The following LRRTM4 variants were observed in gnomAD, a reference collection of about 807,000 sequenced individuals.
LRRTM4 encodes leucine-rich repeat transmembrane neuronal protein 4.
A neutral mutation model predicts 47.6 loss-of-function variants in LRRTM4; 25 were observed. The ratio of observed to expected loss-of-function variants is 0.53; its 90% CI spans 0.38 to 0.73. The LOEUF (loss-of-function observed/expected upper bound fraction) is 0.73, where lower values mean the gene tolerates loss of function less well. Ranked by LOEUF, LRRTM4 falls within the 30% of genes least tolerant of loss-of-function variation. The pLI is 0.00. For missense variants in LRRTM4, 638 were observed against 713.4 expected (o/e 0.89, Z 1.20); for synonymous variants, 311 against 269.5 (o/e 1.15, Z -1.51).
chr2:77,240,852 T>C (rs1055095675), intron 3 of LRRTM4, among the ~76,000 whole-genome samples: 2 of 152,008 alleles, frequency 1.3e-5, no homozygotes, highest in South Asian at 4.1e-4. Flanking sequence ...GGTAACAAAA[T>C]GTGTACAAAA....
chr2:77,056,020 T>A (rs1393417514), intron 3 of LRRTM4, among the ~76,000 whole-genome samples: 72 of 124,240 alleles, frequency 5.8e-4, no homozygotes, highest in African/African-American at 2.3e-3. Context: ...AAGGGGAACA[T>A]CACACTCTGG....
chr2:76,850,989 A>G (rs1671975997), intron 3 of LRRTM4, among the ~76,000 whole-genome samples: 1 of 152,208 alleles, frequency 6.6e-6, no homozygotes, highest in African/African-American at 2.4e-5. Context: ...TTTAATCCCC[A>G]AAGCTCCGAT....
intron 3 of LRRTM4, among the ~76,000 whole-genome samples, chr2:77,442,649 C>T (rs1675889501): frequency 6.6e-6 from 1 of 152,178 alleles, no homozygotes; most frequent in Non-Finnish European, 1.5e-5. Flanking sequence ...ATCCAACATA[C>T]ATTTTTGGTA....
chr2:77,130,822 C>CTTTTTTT (rs1221439109), intron 3 of LRRTM4, among the ~76,000 whole-genome samples: 3 of 52,030 alleles, frequency 5.8e-5, no homozygotes, highest in African/African-American at 2.5e-4. Flanking sequence ...ATTATTTGTT[C>CTTTTTTT]TATTTTTTTT....
intron 3 of LRRTM4, among the ~76,000 whole-genome samples, chr2:77,061,610 T>G (rs931261520): frequency 3.3e-5 from 5 of 152,150 alleles, no homozygotes; most frequent in African/African-American, 1.2e-4. Flanking sequence ...GCTTTTTGGT[T>G]GCAGCATTGC....
At chr2:77,085,086 C>G (rs890905084) in intron 3 of LRRTM4, among the ~76,000 whole-genome samples, 1 of 152,028 alleles carries the variant, frequency 6.6e-6, no homozygotes, top group African/African-American at 2.4e-5. Context: ...GAAATCCTTT[C>G]TATTGCTGGA....
At chr2:77,039,946 A>C (rs1558543462) in intron 3 of LRRTM4, among the ~76,000 whole-genome samples, 1 of 151,152 alleles carries the variant, frequency 6.6e-6, no homozygotes, top group Admixed American at 6.6e-5. Flanking sequence ...TTATTTTCTT[A>C]GCTGTTAATT....
At chr2:77,271,041 A>C (rs1163008368) in intron 3 of LRRTM4, among the ~76,000 whole-genome samples, 1 of 152,160 alleles carries the variant, frequency 6.6e-6, no homozygotes, top group East Asian at 1.9e-4. Flanking sequence ...ACTTCGGTGA[A>C]GAGACAACCT....
chr2:77,266,560 T>C (rs1163015751), intron 3 of LRRTM4, among the ~76,000 whole-genome samples: 1 of 152,130 alleles, frequency 6.6e-6, no homozygotes, highest in African/African-American at 2.4e-5. Context: ...AATGATTTAG[T>C]AGAGTGGAGG....
chr2:77,156,280 T>TAA (rs1351782336), intron 3 of LRRTM4, among the ~76,000 whole-genome samples: 1 of 130,144 alleles, frequency 7.7e-6, no homozygotes, highest in Non-Finnish European at 1.7e-5. Flanking sequence ...TTAAAATAAT[T>TAA]AAAGAAATAT....
chr2:77,289,380 C>A (rs190616124), intron 3 of LRRTM4, among the ~76,000 whole-genome samples: 1 of 150,754 alleles, frequency 6.6e-6, no homozygotes, highest in Non-Finnish European at 1.5e-5. Flanking sequence ...TGATTGTACC[C>A]TTCATTAACT....
chr2:76,994,376 A>T (rs1005074157), intron 3 of LRRTM4, among the ~76,000 whole-genome samples: 1 of 151,980 alleles, frequency 6.6e-6, no homozygotes, highest in East Asian at 1.9e-4. Flanking sequence ...CTATCCTGCA[A>T]CATATAACCA....
chr2:77,353,172 G>A (rs377171633), intron 3 of LRRTM4, among the ~76,000 whole-genome samples: 1 of 152,200 alleles, frequency 6.6e-6, no homozygotes, highest in East Asian at 1.9e-4. Flanking sequence ...ACAAACAAAA[G>A]TATAATCAAG....
chr2:77,456,278 C>G (rs1459734379), intron 3 of LRRTM4, among the ~76,000 whole-genome samples: 1 of 152,082 alleles, frequency 6.6e-6, no homozygotes, highest in Admixed American at 6.6e-5. Context: ...TATTTCCCCC[C>G]AAGTCATATA....
chr2:77,119,577 G>A (rs1329867800), intron 3 of LRRTM4, among the ~76,000 whole-genome samples: 2 of 151,756 alleles, frequency 1.3e-5, no homozygotes, highest in South Asian at 4.1e-4. Context: ...CAAATACTAA[G>A]AGAGATACTG....
rs564193676 is a variant in LRRTM4, at chr2:77,152,793, C to G, written c.1551+365525G>C. 5.3e-5 allele frequency among the ~76,000 whole-genome samples: 8 copies of G among 152,182 alleles called. No individual in the cohort carries two copies. In the East Asian group the frequency reaches 1.2e-3, roughly 22 times the overall value. ...CATCATTTTTCTTCTATTTAACCCC[C>G]ACCCTTTTTATTGTAAATTGACAAT... On this transcript the variant is annotated intron_variant, in intron 3 of 3. Coordinates refer to ENST00000409884, the MANE Select transcript of LRRTM4 (RefSeq NM_001134745.3).
At chr2:76,871,178 T>A (rs973921278) in intron 3 of LRRTM4, among the ~76,000 whole-genome samples, 10 of 152,174 alleles carry the variant, frequency 6.6e-5, no homozygotes, top group African/African-American at 2.2e-4. Context: ...CATATAGAGA[T>A]GCTAAAATAG....
intron 3 of LRRTM4, among the ~76,000 whole-genome samples, chr2:76,777,886 G>A (rs1376999651): frequency 6.7e-5 from 9 of 134,220 alleles, no homozygotes; most frequent in East Asian, 2.3e-4. Context: ...GTATGATATT[G>A]GCTGTGGGTT....
At chr2:76,970,382 A>T (rs1445020780) in intron 3 of LRRTM4, among the ~76,000 whole-genome samples, 1 of 151,992 alleles carries the variant, frequency 6.6e-6, no homozygotes, top group African/African-American at 2.4e-5. Flanking sequence ...TACTGTGAAT[A>T]GTGAAAAAAT....
Sources: gnomAD v4.1 joint callset for allele counts (sites outside exome capture counted in the v4.1 genomes callset) on GRCh38, gnomAD v4.1.1 for gene constraint, MANE v1.5 for transcripts, NCBI Gene and HGNC (gene_info 2026-07-23, HGNC 2026-07-21) for gene names.